The following FAM78B variants were observed in gnomAD, a reference collection of about 807,000 sequenced individuals.
The protein encoded by FAM78B is family with sequence similarity 78 member B, also known as protein FAM78B.
A neutral mutation model predicts 20.0 loss-of-function variants in FAM78B; 10 were observed. The observed-to-expected ratio is 0.50, with a 90% CI of 0.31 to 0.85. The LOEUF is 0.85. Among genes scored for constraint, FAM78B ranks in the 40% least tolerant of loss-of-function variants. FAM78B has a pLI of 0.05. For synonymous variants in FAM78B, 135 were observed against 132.8 expected, an observed-to-expected ratio of 1.02 and a Z score of -0.12; for missense variants, 283 against 345.0, an observed-to-expected ratio of 0.82 and a Z score of 1.42.
chr1:166,057,063 G>A (rs188465856), downstream of FAM78B, among the ~76,000 whole-genome samples: 7 of 152,302 alleles, frequency 4.6e-5, no homozygotes, highest in African/African-American at 1.2e-4. Context: ...AGCCTTGATC[G>A]TGGACTTCCC....
chr1:166,108,190 G>C (rs1429136417), intron 1 of FAM78B, among the ~76,000 whole-genome samples: 2 of 152,138 alleles, frequency 1.3e-5, no homozygotes, highest in Non-Finnish European at 2.9e-5. Context: ...AATCGGTAAA[G>C]AGGAAGTCAA....
exon 3 of FAM78B, chr1:166,060,588 C>T (rs72703906): frequency 4.9e-5 from 63 of 1,288,666 alleles, no homozygotes; most frequent in Non-Finnish European, 6.0e-5. Context: ...GAGCCGCCAG[C>T]CATTGCTCAC....
chr1:166,107,027 T>C (rs891202447), intron 1 of FAM78B, among the ~76,000 whole-genome samples: 1 of 151,958 alleles, frequency 6.6e-6, no homozygotes, highest in Non-Finnish European at 1.5e-5. Context: ...TTCCTAGACC[T>C]AAATGCCTAC....
chr1:166,097,365 ACT>A lies in FAM78B; in HGVS notation c.264-26604_264-26603del, dbSNP rs540473550. ...TAGGGCGAGAAGCCTCCTGGCCAGA[ACT>A]CAGGGGAGGGTGCAAATCCAGCATA... On this transcript the variant is annotated intron_variant, in intron 1 of 1. Coordinates refer to ENST00000354422, the MANE Select transcript of FAM78B (RefSeq NM_001017961.5). Among the ~76,000 whole-genome samples, 290 of 152,294 alleles carry A rather than the reference ACT, an allele frequency of 1.9e-3. 1 individual carries two copies. Among genetic ancestry groups the A allele is most frequent in the African/African-American group, 6.6e-3 (274 of 41,582 alleles).
intron 1 of FAM78B, among the ~76,000 whole-genome samples, chr1:166,128,716 T>C (rs543477242): frequency 2.0e-5 from 3 of 152,304 alleles, no homozygotes; most frequent in Admixed American, 6.5e-5. Context: ...GAACATGGCA[T>C]TGAGTCTGTG....
chr1:166,078,679 A>G (rs961373132), intron 1 of FAM78B, among the ~76,000 whole-genome samples: 2 of 152,154 alleles, frequency 1.3e-5, no homozygotes, highest in South Asian at 2.1e-4. Flanking sequence ...CTCCCCCTGA[A>G]GCCCTGCAGT....
Position 166,166,711 on chromosome 1 carries a change from A to T in FAM78B, c.-463T>A, listed in dbSNP as rs1176802922. 6.7e-6 allele frequency: 1 copy of T among 148,366 alleles called. No homozygotes were observed. The highest frequency in any genetic ancestry group is 2.5e-5 in the African/African-American group (1 of 40,788). 9.2% of individuals were successfully genotyped at this position (148,366 alleles called of 1,614,324 possible). A position where few individuals can be genotyped will look rare whatever the true frequency, so the allele number is the denominator to read the frequency against. On this transcript the variant is annotated 5_prime_UTR_variant, in exon 1 of 2. Coordinates refer to ENST00000354422, the MANE Select transcript of FAM78B (RefSeq NM_001017961.5). ...CTGCCTCCGCGGCGGCAGCAGCAGC[A>T]GCCGCCGCCGCCGCCGCCGCTGCAT...
At chr1:166,084,237 A>ACTCTCTCTCTCT (rs372134890) in intron 1 of FAM78B, among the ~76,000 whole-genome samples, 30 of 125,470 alleles carry the variant, frequency 2.4e-4, no homozygotes, top group South Asian at 1.3e-3. Flanking sequence ...ACACACACAC[A>ACTCTCTCTCTCT]CTCTCTCTCT....
At chr1:166,067,794 G>A (rs1351974853), downstream of FAM78B, among the ~76,000 whole-genome samples, 1 of 152,166 alleles carries the variant, frequency 6.6e-6, no homozygotes, top group Non-Finnish European at 1.5e-5. Flanking sequence ...AATGTATACA[G>A]TGCTTTTAAC....
intron 1 of FAM78B, among the ~76,000 whole-genome samples, chr1:166,151,147 G>C (rs1020431292): frequency 6.6e-6 from 1 of 152,166 alleles, no homozygotes; most frequent in Admixed American, 6.5e-5. Context: ...ACGTAGACTT[G>C]TAATAGCTCA....
exon 3 of FAM78B, chr1:166,060,428 G>A (rs919915544): frequency 1.7e-5 from 7 of 414,814 alleles, no homozygotes; most frequent in Non-Finnish European, 2.9e-5. Context: ...CATGGGCCAA[G>A]CAGGCAGCCC....
chr1:166,107,327 T>C (rs1024524950), intron 1 of FAM78B, among the ~76,000 whole-genome samples: 1 of 152,100 alleles, frequency 6.6e-6, no homozygotes, highest in Non-Finnish European at 1.5e-5. Flanking sequence ...ATATTACAAC[T>C]GACACCACTG....
chr1:166,143,691 G>GTC (rs1262842557), intron 1 of FAM78B, among the ~76,000 whole-genome samples: 2 of 152,098 alleles, frequency 1.3e-5, no homozygotes, highest in African/African-American at 4.8e-5. Context: ...CAGTAATGAA[G>GTC]GTGAGAGGCA....
chr1:166,081,648 T>C (rs978788046), intron 1 of FAM78B, among the ~76,000 whole-genome samples: 3 of 152,146 alleles, frequency 2.0e-5, no homozygotes, highest in Non-Finnish European at 2.9e-5. Flanking sequence ...GCATTTGTTC[T>C]CCATCCCGAA....
intron 1 of FAM78B, among the ~76,000 whole-genome samples, chr1:166,107,289 A>G (rs1033325189): frequency 1.3e-5 from 2 of 152,210 alleles, no homozygotes; most frequent in African/African-American, 4.8e-5. Flanking sequence ...GAAAATCCAA[A>G]TAACCTCACT....
chr1:166,056,302 TATGA>T (rs59841297), downstream of FAM78B, among the ~76,000 whole-genome samples: 49,046 of 151,200 alleles, frequency 0.32, 8,290 homozygotes, highest in African/African-American at 0.41. Flanking sequence ...AGAGAGAGAA[TATGA>T]ATGAATGAAT....
intron 1 of FAM78B, among the ~76,000 whole-genome samples, chr1:166,157,355 G>C (rs887605795): frequency 1.3e-5 from 2 of 151,336 alleles, no homozygotes; most frequent in Admixed American, 6.6e-5. Context: ...AGGATGGGGA[G>C]ATCTTATTAC....
At chr1:166,131,869 C>T (rs1177121248) in intron 1 of FAM78B, among the ~76,000 whole-genome samples, 3 of 152,128 alleles carry the variant, frequency 2.0e-5, no homozygotes, top group Non-Finnish European at 4.4e-5. Context: ...AAAATCCTGC[C>T]CTCACATGGC....
At chr1:166,109,882 GTATATATGTATATATATATA>G (rs1653966666) in intron 1 of FAM78B, among the ~76,000 whole-genome samples, 2 of 12,272 alleles carry the variant, frequency 1.6e-4, no homozygotes, top group Non-Finnish European at 2.4e-4. Flanking sequence ...ATATATATAT[GTATATATGTATATATATATA>G]TATATATATA....
Sources: gnomAD v4.1 joint callset for allele counts (sites outside exome capture counted in the v4.1 genomes callset) on GRCh38, gnomAD v4.1.1 for gene constraint, MANE v1.5 for transcripts, NCBI Gene and HGNC (gene_info 2026-07-23, HGNC 2026-07-21) for gene names.